Variants in CCDC93 observed in about 807,000 individuals in gnomAD.
The protein encoded by CCDC93 is CCC complex scaffolding subunit CCDC93, also known as coiled-coil domain-containing protein 93.
A neutral mutation model predicts 108.2 loss-of-function variants in CCDC93; 61 were observed. The observed-to-expected ratio is 0.56, with a 90% CI of 0.46 to 0.70. The LOEUF (loss-of-function observed/expected upper bound fraction) is 0.70. Among genes scored for constraint, CCDC93 ranks in the 30% least tolerant of loss-of-function variants. CCDC93 has a pLI of 0.00. For missense variants in CCDC93, 685 were observed against 764.2 expected, an observed-to-expected ratio of 0.90 and a Z score of 1.22; for synonymous variants, 276 against 260.4, an observed-to-expected ratio of 1.06 and a Z score of -0.58.
intron 7 of CCDC93, among the ~76,000 whole-genome samples, chr2:117,978,967 C>A (rs1430305536): frequency 1.3e-5 from 2 of 152,180 alleles, no homozygotes; most frequent in Non-Finnish European, 2.9e-5. Context: ...GAGATCATAG[C>A]ACTGGACTCC....
chr2:118,011,526 GAGA>G (rs1271459045), intron 1 of CCDC93, among the ~76,000 whole-genome samples: 1 of 152,158 alleles, frequency 6.6e-6, no homozygotes, highest in East Asian at 1.9e-4. Context: ...TCTAAGAAAA[GAGA>G]AGCTAAAGAG....
Position 117,935,588 on chromosome 2 carries a change from A to G in CCDC93, c.1644-9T>C. On this transcript the variant is annotated splice_polypyrimidine_tract_variant and intron_variant, in intron 21 of 23. Transcript: ENST00000376300. Reference sequence around the variant, plus strand: ...CAGGGGAGGCCATGGCCCTGAAAGAAAAACCAGTAGAGTTATGACCGGCAC... The same window carrying G: ...CAGGGGAGGCCATGGCCCTGAAAGAGAAACCAGTAGAGTTATGACCGGCAC... 1 of 1,607,168 alleles carries G rather than the reference A, an allele frequency of 6.2e-7. No individual in the cohort carries two copies.
chr2:117,930,842 C>G (rs7561707), intron 23 of CCDC93, 195 bp downstream of exon 23: 23,967 of 502,854 alleles, frequency 0.048, 979 homozygotes, highest in East Asian at 0.15. Flanking sequence ...TTTAATTAGA[C>G]CTCAAGATGG....
chr2:118,009,516 C>G (rs1346132646), intron 1 of CCDC93, among the ~76,000 whole-genome samples: 1 of 151,970 alleles, frequency 6.6e-6, no homozygotes, highest in Non-Finnish European at 1.5e-5. Flanking sequence ...ACTAAAAATA[C>G]AAAAAATTAG....
chr2:117,967,988 G>A (rs1439658389), intron 11 of CCDC93, among the ~76,000 whole-genome samples: 1 of 152,156 alleles, frequency 6.6e-6, no homozygotes, highest in African/African-American at 2.4e-5. Flanking sequence ...TCTGCATGGA[G>A]AGGCACTCAG....
intron 1 of CCDC93, 87 bp from the exon 2 acceptor site, chr2:118,008,745 G>T: frequency 2.6e-6 from 2 of 781,430 alleles, no homozygotes; most frequent in Admixed American, 2.2e-5. Context: ...CAAGCTCATT[G>T]CCAAGGAGTA....
chr2:117,937,295 C>G (rs1461246810), intron 20 of CCDC93, among the ~76,000 whole-genome samples: 1 of 152,182 alleles, frequency 6.6e-6, no homozygotes, highest in Non-Finnish European at 1.5e-5. Context: ...ATCCTCTTAT[C>G]TGCCCCAATG....
At chr2:117,949,917 G>C (rs971603993) in intron 13 of CCDC93, 2 of 985,272 alleles carry the variant, frequency 2.0e-6, no homozygotes, top group African/African-American at 3.5e-5. Context: ...GACGTAGGAA[G>C]GACTGGTGTG....
At chr2:117,926,906 A>G (rs1321706730) in intron 23 of CCDC93, among the ~76,000 whole-genome samples, 1 of 152,188 alleles carries the variant, frequency 6.6e-6, no homozygotes, top group Non-Finnish European at 1.5e-5. Flanking sequence ...CAGCACATCA[A>G]AAAGCTTATC....
chr2:117,930,501 G>T (rs1479992733), intron 23 of CCDC93, among the ~76,000 whole-genome samples: 3 of 152,168 alleles, frequency 2.0e-5, no homozygotes, highest in Admixed American at 6.5e-5. Flanking sequence ...GCCTGGTGCT[G>T]GATGTTTCAA....
At position 117,919,711 on chromosome 2, in the gene CCDC93, G is replaced by A. The variant is rs1429594303; in HGVS notation, c.*632C>T. ...AAAACAACACTGAACTTTCGTTCCA[G>A]TTGCTGTCACCACCAAGCCTGCTGG... On this transcript the variant is annotated 3_prime_UTR_variant, in exon 24 of 24. Transcript: ENST00000376300. The A allele has an allele frequency of 6.6e-6, 1 of 152,232 alleles. No individual in the cohort carries two copies. Among genetic ancestry groups the A allele is most frequent in the Non-Finnish European group, 1.5e-5 (1 of 68,056 alleles). 9.4% of individuals were successfully genotyped at this position (152,232 alleles called of 1,614,324 possible). A position where few individuals can be genotyped will look rare whatever the true frequency, so the allele number is the denominator to read the frequency against.
intron 4 of CCDC93, 135 bp downstream of exon 4, chr2:118,000,686 T>C (rs1680818176): frequency 1.7e-6 from 1 of 604,362 alleles, no homozygotes; most frequent in African/African-American, 1.9e-5. Flanking sequence ...AACACCACCA[T>C]GTTCTGCTGT....
chr2:117,973,526 G>A (rs942411806), intron 11 of CCDC93, among the ~76,000 whole-genome samples: 3 of 151,934 alleles, frequency 2.0e-5, no homozygotes, highest in African/African-American at 7.3e-5. Flanking sequence ...TGAGTTATGG[G>A]GTTTATCTCC....
chr2:117,925,553 A>G (rs1678053459), intron 23 of CCDC93, among the ~76,000 whole-genome samples: 1 of 152,266 alleles, frequency 6.6e-6, no homozygotes, highest in African/African-American at 2.4e-5. Context: ...AAAGGGATCA[A>G]TTCAACAAGA....
chr2:117,985,632 T>C (rs1680294622), intron 7 of CCDC93: 1 of 154,266 alleles, frequency 6.5e-6, no homozygotes, highest in Non-Finnish European at 1.4e-5. Context: ...ATTATTATTC[T>C]AACACTTAAA....
intron 12 of CCDC93, among the ~76,000 whole-genome samples, chr2:117,953,870 G>C (rs910576381): frequency 2.0e-5 from 3 of 152,128 alleles, no homozygotes; most frequent in African/African-American, 7.2e-5. Flanking sequence ...CTCTAGCGTA[G>C]ATGATGGAGT....
chr2:117,963,731 T>A (rs1014576276), intron 11 of CCDC93, among the ~76,000 whole-genome samples: 1 of 152,230 alleles, frequency 6.6e-6, no homozygotes, highest in Non-Finnish European at 1.5e-5. Flanking sequence ...CCCCATACAC[T>A]ACTGTCAGGT....
chr2:117,940,809 C>A (rs1678677015), intron 19 of CCDC93, among the ~76,000 whole-genome samples: 2 of 152,056 alleles, frequency 1.3e-5, no homozygotes. Context: ...GGGTTAAGGA[C>A]CACATCAGCA....
chr2:118,004,341 G>A (rs1676803372), intron 3 of CCDC93, among the ~76,000 whole-genome samples: 1 of 152,172 alleles, frequency 6.6e-6, no homozygotes, highest in Admixed American at 6.5e-5. Context: ...TCTGTTAATG[G>A]GGCTTCAGAA....
Sources: gnomAD v4.1 joint callset for allele counts (sites outside exome capture counted in the v4.1 genomes callset) on GRCh38, gnomAD v4.1.1 for gene constraint, MANE v1.5 for transcripts, NCBI Gene and HGNC (gene_info 2026-07-23, HGNC 2026-07-21) for gene names.